NRXN3: variants seen among roughly 807,000 people sequenced by gnomAD.
The protein encoded by NRXN3 is neurexin III.
Under a neutral mutation model 137.6 loss-of-function variants are expected in NRXN3, and 32 were observed. That is an observed-to-expected ratio of 0.23 (90% CI 0.18 to 0.31). NRXN3 has a LOEUF of 0.31. Among genes scored for constraint, NRXN3 ranks in the 10% least tolerant of loss-of-function variants. The pLI, the probability that NRXN3 is intolerant of heterozygous loss-of-function variation, is 1.00. For synonymous variants in NRXN3, 798 were observed against 784.5 expected, an observed-to-expected ratio of 1.02 and a Z score of -0.29; for missense variants, 1,574 against 2,062.5, an observed-to-expected ratio of 0.76 and a Z score of 4.59.
intron 10 of NRXN3, among the ~76,000 whole-genome samples, chr14:78,954,496 G>A (rs150584324): frequency 6.7e-4 from 102 of 152,056 alleles, no homozygotes; most frequent in Admixed American, 4.8e-3. Context: ...ATGGAGTCTC[G>A]CTCTGTCATC....
At chr14:78,195,319 A>ATTCG (rs972963290) in intron 1 of NRXN3, among the ~76,000 whole-genome samples, 2 of 152,046 alleles carry the variant, frequency 1.3e-5, no homozygotes, top group Admixed American at 6.5e-5. Context: ...TGGTTTGTTC[A>ATTCG]TTCGTTCGTT....
intron 4 of NRXN3, among the ~76,000 whole-genome samples, chr14:78,484,059 A>C (rs1468685360): frequency 6.6e-6 from 1 of 151,732 alleles, no homozygotes; most frequent in African/African-American, 2.4e-5. Flanking sequence ...GCAAAAAAAG[A>C]ATAGCCATCA....
intron 16 of NRXN3, among the ~76,000 whole-genome samples, chr14:79,621,468 G>C (rs2098223797): frequency 6.6e-6 from 1 of 152,206 alleles, no homozygotes. Context: ...AGACATAAGT[G>C]ATAGGGTTTT....
chr14:79,225,431 C>T (rs17596883), intron 15 of NRXN3, among the ~76,000 whole-genome samples: 3,679 of 152,164 alleles, frequency 0.024, 81 homozygotes, highest in Non-Finnish European at 0.033. Context: ...CCGTCTTTCT[C>T]GATATAATCC....
intron 10 of NRXN3, among the ~76,000 whole-genome samples, chr14:78,905,196 T>C (rs931984933): frequency 6.6e-6 from 1 of 152,086 alleles, no homozygotes; most frequent in Non-Finnish European, 1.5e-5. Context: ...TTGCCCAGCC[T>C]GTGTTCTACA....
intron 15 of NRXN3, among the ~76,000 whole-genome samples, chr14:79,039,688 C>A (rs2099621992): frequency 6.6e-6 from 1 of 152,026 alleles, no homozygotes; most frequent in African/African-American, 2.4e-5. Flanking sequence ...TTTTCATATT[C>A]TTTTTTATTT....
chr14:79,844,969 A>C (rs1265269345), intron 20 of NRXN3, among the ~76,000 whole-genome samples: 1 of 152,206 alleles, frequency 6.6e-6, no homozygotes, highest in African/African-American at 2.4e-5. Flanking sequence ...TATCTTAGCT[A>C]GATTTTCTGG....
intron 4 of NRXN3, among the ~76,000 whole-genome samples, chr14:78,453,562 C>G (rs1454252003): frequency 6.6e-6 from 1 of 152,162 alleles, no homozygotes; most frequent in Non-Finnish European, 1.5e-5. Context: ...TTCTTCATTC[C>G]TTTTTCCAGC....
At chr14:79,801,561 C>T (rs1245830179) in intron 19 of NRXN3, among the ~76,000 whole-genome samples, 1 of 152,192 alleles carries the variant, frequency 6.6e-6, no homozygotes, top group Non-Finnish European at 1.5e-5. Context: ...CACACACACA[C>T]ATCCCAGGTC....
chr14:79,282,381 G>A (rs1256112551), intron 15 of NRXN3, among the ~76,000 whole-genome samples: 3 of 152,242 alleles, frequency 2.0e-5, no homozygotes, highest in East Asian at 1.9e-4. Flanking sequence ...TACAGGTTAT[G>A]GGTGGCAGGG....
chr14:79,395,946 T>C (rs2095010470), intron 15 of NRXN3, among the ~76,000 whole-genome samples: 1 of 152,148 alleles, frequency 6.6e-6, no homozygotes, highest in South Asian at 2.1e-4. Flanking sequence ...TATCATGAGG[T>C]AAATATCTTA....
At chr14:79,800,508 G>A (rs2099174909) in intron 19 of NRXN3, among the ~76,000 whole-genome samples, 1 of 152,168 alleles carries the variant, frequency 6.6e-6, no homozygotes, top group Admixed American at 6.5e-5. Flanking sequence ...GTAATTAAAA[G>A]TAATTACAGA....
intron 8 of NRXN3, among the ~76,000 whole-genome samples, chr14:78,748,058 T>C (rs1220097308): frequency 6.6e-6 from 1 of 152,206 alleles, no homozygotes; most frequent in Non-Finnish European, 1.5e-5. Flanking sequence ...GTATTATGTA[T>C]CTCGTCTTTC....
intron 10 of NRXN3, among the ~76,000 whole-genome samples, chr14:78,933,402 T>C (rs2099327484): frequency 6.6e-6 from 1 of 152,234 alleles, no homozygotes; most frequent in Non-Finnish European, 1.5e-5. Flanking sequence ...GTAAGCACAG[T>C]ATACTTCCTG....
chr14:79,099,079 ACC>A (rs2050827884), intron 15 of NRXN3, among the ~76,000 whole-genome samples: 1 of 152,178 alleles, frequency 6.6e-6, no homozygotes, highest in Admixed American at 6.6e-5. Context: ...GTTCAGTGTA[ACC>A]AGTTTCTGAG....
chr14:78,537,112 G>A (rs2096543667), intron 4 of NRXN3, among the ~76,000 whole-genome samples: 1 of 152,080 alleles, frequency 6.6e-6, no homozygotes, highest in South Asian at 2.1e-4. Context: ...AATCCTTTGG[G>A]TATATACCCA....
intron 19 of NRXN3, among the ~76,000 whole-genome samples, chr14:79,722,187 C>G (rs893231310): frequency 6.6e-6 from 1 of 152,030 alleles, no homozygotes; most frequent in Non-Finnish European, 1.5e-5. Flanking sequence ...CCCTCCTCTC[C>G]ATCATCACTG....
At chr14:79,770,643 A>G (rs902878369) in intron 19 of NRXN3, among the ~76,000 whole-genome samples, 3 of 150,722 alleles carry the variant, frequency 2.0e-5, no homozygotes, top group African/African-American at 7.4e-5. Flanking sequence ...AGGGAAATTT[A>G]TAGCACTAAA....
chr14:78,325,317 C>G (rs945140960), intron 4 of NRXN3, among the ~76,000 whole-genome samples: 1 of 151,868 alleles, frequency 6.6e-6, no homozygotes, highest in Non-Finnish European at 1.5e-5. Flanking sequence ...ATCCCTTCCT[C>G]TCTCTTCAGT....
Sources: allele counts gnomAD v4.1 joint callset (sites outside exome capture counted in the v4.1 genomes callset), GRCh38; gene constraint gnomAD v4.1.1; transcripts MANE v1.5; gene names NCBI Gene and HGNC (gene_info 2026-07-23, HGNC 2026-07-21).